RFWD3: variants seen among roughly 807,000 people sequenced by gnomAD.
The protein encoded by RFWD3 is E3 ubiquitin-protein ligase RFWD3.
Under a neutral mutation model 87.7 loss-of-function variants are expected in RFWD3, and 65 were observed. That is an observed-to-expected ratio of 0.74 (90% confidence interval 0.61 to 0.91). The LOEUF (loss-of-function observed/expected upper bound fraction) is 0.91, where lower values mean the gene tolerates loss of function less well. Among genes scored for constraint, RFWD3 ranks in the 40% least tolerant of loss-of-function variants. The pLI is 0.00. For missense variants in RFWD3, 1,078 were observed against 938.5 expected (o/e 1.15, Z -1.94); for synonymous variants, 433 against 352.8 (o/e 1.23, Z -2.55).
In RFWD3 at chr16:74,660,976, T is replaced by G; in HGVS notation, c.474A>C (p.Ser158=). 6.2e-7 allele frequency: 1 copy of G among 1,614,172 alleles called. No individual in the cohort carries two copies. Among genetic ancestry groups the G allele is most frequent in the South Asian group, 1.1e-5 (1 of 91,084 alleles). ...GAGACCCTCCGGCTCTTGCCCTCCG[T>G]GAAGCAGATACCCTCCTTCTTGTTC... is the stretch of plus-strand genomic sequence containing the variant. ...PMRTRRRVSA[S]RRARAGGSQR... The change falls in exon 2 of 13, where the codon TCA becomes TCC. Residue 158 remains serine, a synonymous_variant. Transcript: ENST00000361070.
rs147848964 is a variant in RFWD3 at position 74,637,895 on chromosome 16, G to T, written c.1155C>A (p.Val385=). The T allele has an allele frequency of 1.6e-5, 26 of 1,612,782 alleles. No homozygotes were observed. The African/African-American group carries it at 2.3e-4, about 14-fold the overall frequency. Residue 385 remains valine, a synonymous_variant, in exon 7 of 13, where the codon GTC becomes GTA. Coordinates refer to ENST00000361070, the MANE Select transcript of RFWD3 (RefSeq NM_018124.4). ...GAAGCCTAGTGCACTTATCAGTGAG[G>T]ACCTGCAGTTGGAGTCGGCACTGTG... ...ESAQCRLQLQ[V]LTDKCTRLQR...
chr16:74,644,872 T>A, intron 4 of RFWD3, 137 bp from the exon 5 acceptor site: 1 of 692,674 alleles, frequency 1.4e-6, no homozygotes, highest in Non-Finnish European at 2.4e-6. Flanking sequence ...GTAACACCTA[T>A]GAATCACTTG....
chr16:74,666,509 CA>C lies in RFWD3; in HGVS notation c.-3+276del, dbSNP rs1242003503. ...CCCACCCCGGCCAGGGCAGGCCCCG[CA>C]GCAGCGAACTCGGCTCCTTCAGTGA... On this transcript the variant is annotated intron_variant, in intron 1 of 12. Transcript: ENST00000361070. 26 of 152,374 alleles carry C rather than the reference CA, an allele frequency of 1.7e-4. No individual in the cohort carries two copies. The East Asian group carries it at 3.7e-3, about 22-fold the overall frequency. 9.4% of individuals were successfully genotyped at this position (152,374 alleles called of 1,614,324 possible).
At position 74,661,102 on chromosome 16, in the gene RFWD3, C is replaced by A; in HGVS notation, c.348G>T (p.Ser116=). ...TGATGAAGTTGGTCATTGAATGCAA[C>A]GAAGATGCTGGGATGGTGTGATTAC... The part of the protein sequence containing the change: ...SDGNHTIPAS[S]LHSMTNFISG... Residue 116 remains serine, a synonymous_variant, in exon 2 of 13, where the codon TCG becomes TCT. Coordinates refer to ENST00000361070, the MANE Select transcript of RFWD3 (RefSeq NM_018124.4). The A allele has an allele frequency of 6.2e-7, 1 of 1,614,190 alleles. No individual in the cohort carries two copies. Among genetic ancestry groups the A allele is most frequent in the Non-Finnish European group, 8.5e-7 (1 of 1,180,048 alleles).
chr16:74,639,658 C>T (rs1959463882), intron 6 of RFWD3, among the ~76,000 whole-genome samples: 1 of 152,120 alleles, frequency 6.6e-6, no homozygotes, highest in African/African-American at 2.4e-5. Context: ...AGGTGTTTTT[C>T]ATGGAACTTA....
At chr16:74,662,149 A>AT (rs1056234801) in intron 1 of RFWD3, among the ~76,000 whole-genome samples, 49 of 134,578 alleles carry the variant, frequency 3.6e-4, no homozygotes, top group African/African-American at 6.3e-4. Context: ...AAAAAAAAAA[A>AT]TTTTTTTTTG....
chr16:74,635,032 G>A (rs950118865), intron 8 of RFWD3, among the ~76,000 whole-genome samples: 1 of 152,074 alleles, frequency 6.6e-6, no homozygotes, highest in African/African-American at 2.4e-5. Flanking sequence ...TGTAATCCCA[G>A]CACTTTGGGA....
chr16:74,653,008 C>G (rs554532722), intron 2 of RFWD3, among the ~76,000 whole-genome samples: 1 of 152,184 alleles, frequency 6.6e-6, no homozygotes, highest in East Asian at 1.9e-4. Flanking sequence ...TACTAAAAAC[C>G]AGGAGTTCCT....
Position 74,637,903 on chromosome 16 carries a change from G to C in RFWD3, c.1147C>G (p.Leu383Val). ...GTGCACTTATCAGTGAGGACCTGCA[G>C]TTGGAGTCGGCACTGTGCTGATTCT... ...ELESAQCRLQ[L>V]QVLTDKCTRL... Residue 383 changes from leucine to valine, a missense_variant, in exon 7 of 13, where the codon CTG becomes GTG. Leu to Val is a conservative substitution (Grantham distance 32). Coordinates refer to ENST00000361070, the MANE Select transcript of RFWD3 (RefSeq NM_018124.4). 1 of 1,612,920 alleles carries C rather than the reference G, an allele frequency of 6.2e-7. No individual in the cohort carries two copies. The highest frequency in any genetic ancestry group is 8.5e-7 in the Non-Finnish European group (1 of 1,179,852).
rs749763107 is a variant in RFWD3 at position 74,661,242 on chromosome 16, G to T, written c.208C>A (p.Leu70Ile). 1.1e-5 allele frequency: 18 copies of T among 1,614,208 alleles called. 2 individuals are homozygous for T. Among genetic ancestry groups the T allele is most frequent in the East Asian group, 2.2e-5 (1 of 44,876 alleles). ...ACAGACAGTTGCGGAGCAGGCTGGA[G>T]CAGGGGTGGTGTCGCTTGGCTGCTG... ...VISSQATPPL[L>I]QPAPQLSVDL... is the part of the protein sequence containing the mutation. The change falls in exon 2 of 13, where the codon CTC becomes ATC. Residue 70 changes from leucine to isoleucine, a missense_variant. Transcript: ENST00000361070.
In RFWD3 at chr16:74,636,421, G is replaced by A. The variant is rs759914662; in HGVS notation, c.1351C>T (p.Arg451Trp). The A allele has an allele frequency of 2.6e-5, 42 of 1,614,026 alleles. No individual in the cohort carries two copies. Among genetic ancestry groups the A allele is most frequent in the African/African-American group, 5.3e-5 (4 of 74,904 alleles). ...AGAGCATCACAGTATGCCATGATCC[G>A]GCAGTTTCCTGCCTGAGATACTGTG... Reference protein sequence around the residue: ...TFTVSQAGNCRIMAYCDALSC... With the variant: ...TFTVSQAGNCWIMAYCDALSC... The change falls in exon 8 of 13, where the codon CGG becomes TGG. Residue 451 changes from arginine (R) to tryptophan (W), a missense_variant. By Grantham distance (101) the Arg-to-Trp change is moderately radical. Coordinates refer to ENST00000361070, the MANE Select transcript of RFWD3 (RefSeq NM_018124.4).
chr16:74,628,651 G>C lies in RFWD3; in HGVS notation c.1770C>G (p.Ser590=). 1 of 1,614,118 alleles carries C rather than the reference G, an allele frequency of 6.2e-7. No homozygotes were observed. The highest frequency in any genetic ancestry group is 8.5e-7 in the Non-Finnish European group (1 of 1,180,034). ...AGGCAGCTCTGGGCATGTATGACAG[G>C]GAGACCAGTGGGCATCTGAAAGGAA... ...VAQKARCPLV[S]LSYMPRAASA... The change falls in exon 11 of 13, where the codon TCC becomes TCG. Residue 590 remains serine (S), a synonymous_variant. Transcript: ENST00000361070.
intron 2 of RFWD3, among the ~76,000 whole-genome samples, chr16:74,660,427 T>A (rs139957475): frequency 2.0e-5 from 3 of 152,326 alleles, no homozygotes; most frequent in African/African-American, 7.2e-5. Flanking sequence ...GAATCCAGCC[T>A]GGACGACAGA....
At chr16:74,655,262 C>CAT (rs936996223) in intron 2 of RFWD3, among the ~76,000 whole-genome samples, 1 of 151,192 alleles carries the variant, frequency 6.6e-6, no homozygotes, top group Non-Finnish European at 1.5e-5. Flanking sequence ...TTTTTTGAGA[C>CAT]AGAGTCTCAC....
intron 4 of RFWD3, 76 bp from the exon 5 acceptor site, chr16:74,644,811 T>C: frequency 7.1e-7 from 1 of 1,398,880 alleles, no homozygotes; most frequent in Non-Finnish European, 9.8e-7. Flanking sequence ...AACTAAGAAA[T>C]TAACAGAAGT....
chr16:74,628,978 G>A (rs1959013951), intron 10 of RFWD3, among the ~76,000 whole-genome samples: 1 of 150,608 alleles, frequency 6.6e-6, no homozygotes, highest in African/African-American at 2.4e-5. Context: ...TTCTGGAAAT[G>A]GGTTTAGCCA....
At chr16:74,637,547 C>T (rs947886568) in intron 7 of RFWD3, among the ~76,000 whole-genome samples, 6 of 151,998 alleles carry the variant, frequency 3.9e-5, no homozygotes, top group East Asian at 1.9e-4. Context: ...GCAGGAGAAC[C>T]GCTTGAACCC....
At chr16:74,648,151 T>C (rs969396805) in intron 4 of RFWD3, among the ~76,000 whole-genome samples, 4 of 152,072 alleles carry the variant, frequency 2.6e-5, no homozygotes, top group African/African-American at 9.7e-5. Context: ...TGTCTATTTT[T>C]TCAACTGATA....
At position 74,626,707 on chromosome 16, in the gene RFWD3, A is replaced by G. The variant is rs146675982; in HGVS notation, c.1970-153T>C. Among the ~76,000 whole-genome samples, 222 of 152,338 alleles carry G rather than the reference A, an allele frequency of 1.5e-3. 1 individual carries two copies. The highest frequency in any genetic ancestry group is 5.0e-3 in the African/African-American group (208 of 41,582). On this transcript the variant is annotated intron_variant, in intron 11 of 12. Coordinates refer to ENST00000361070, the MANE Select transcript of RFWD3 (RefSeq NM_018124.4). ...CAGTTACAAAACAAATGAAAGAACA[A>G]TATCACAGCATCAATGAAATTTAGA...
Sources: gnomAD v4.1 joint callset for allele counts (sites outside exome capture counted in the v4.1 genomes callset) on GRCh38, gnomAD v4.1.1 for gene constraint, MANE v1.5 for transcripts, NCBI Gene and HGNC (gene_info 2026-07-23, HGNC 2026-07-21) for gene names.